Variants in C2 observed in about 807,000 individuals in gnomAD.
C2 encodes the protein complement C2, also known as C3/C5 convertase.
In C2, 64 loss-of-function variants were observed where a neutral mutation model predicts 85.2. That is an observed-to-expected ratio of 0.75 (90% CI 0.61 to 0.92). C2 has a LOEUF of 0.92. C2 is among the 40% of genes least tolerant of loss of function. The pLI is 0.00. For synonymous variants in C2, 311 were observed against 370.8 expected, an observed-to-expected ratio of 0.84 and a Z score of 1.85; for missense variants, 820 against 971.6, an observed-to-expected ratio of 0.84 and a Z score of 2.07.
chr6:31,918,666 G>A (rs1427040726), upstream of C2, among the ~76,000 whole-genome samples: 1 of 151,582 alleles, frequency 6.6e-6, no homozygotes, highest in South Asian at 2.1e-4. Flanking sequence ...TTGGGAGGCC[G>A]AGGTGGGCGG....
intron 8 of C2, among the ~76,000 whole-genome samples, chr6:31,938,212 C>T (rs1461490160): frequency 6.6e-6 from 1 of 151,908 alleles, no homozygotes; most frequent in Non-Finnish European, 1.5e-5. Flanking sequence ...GGAAACGTGG[C>T]TCTTGAGCAG....
chr6:31,944,029 G>A lies in C2; in HGVS notation c.1810+36G>A, dbSNP rs762234843. On this transcript the variant is annotated intron_variant, in intron 14 of 17. Transcript: ENST00000299367. This position sits in a 1 kb window ranked among gnomAD's most constrained non-coding sequence, Gnocchi z 5.1. ...GGACTTATGGTGCTTGAGAGCTGGG[G>A]CCGGGGTTTGGGGGTGATAACAAGG... 30 of 1,608,430 alleles carry A rather than the reference G, an allele frequency of 1.9e-5. No homozygotes were observed. The East Asian group carries it at 4.0e-4, about 22-fold the overall frequency.
chr6:31,944,746 T>C lies in C2; in HGVS notation c.1922T>C (p.Val641Ala), dbSNP rs36221133. The C allele has an allele frequency of 0.015, 23,391 of 1,613,042 alleles. 393 individuals carry two copies. Among genetic ancestry groups the C allele is most frequent in the Admixed American group, 0.038 (2,251 of 60,026 alleles). Reference sequence around the variant, plus strand: ...CTGCAGTGGACAAGCTGTGCCGAGGTTGTCTCCCAAGAAAAAACCATGTTC... The same window carrying C: ...CTGCAGTGGACAAGCTGTGCCGAGGCTGTCTCCCAAGAAAAAACCATGTTC... ...MGVEWTSCAEVVSQEKTMFPN... is the reference protein window; with the variant it reads ...MGVEWTSCAEAVSQEKTMFPN... Residue 641 changes from valine (V) to alanine (A), a missense_variant, in exon 16 of 18, where the codon GTT (valine) becomes GCT (alanine). Val to Ala is a moderately conservative substitution (Grantham distance 64, BLOSUM62 0). Coordinates refer to ENST00000299367, the MANE Select transcript of C2 (RefSeq NM_000063.6). The surrounding 1 kb of genome is among the most constrained non-coding windows in gnomAD (Gnocchi z 5.1).
chr6:31,915,720 A>G (rs1768456680), upstream of C2, among the ~76,000 whole-genome samples: 1 of 152,218 alleles, frequency 6.6e-6, no homozygotes, highest in Admixed American at 6.5e-5. Flanking sequence ...TTGGCAGTTA[A>G]ATACTTGTGC....
intron 2 of C2, among the ~76,000 whole-genome samples, 198 bp from the exon 3 acceptor site, chr6:31,928,534 C>T (rs1035298166): frequency 6.6e-6 from 1 of 152,124 alleles, no homozygotes; most frequent in Non-Finnish European, 1.5e-5. Context: ...TCAATCAGTT[C>T]GCTTAGACTC....
At chr6:31,900,388 C>T (rs1767117764), upstream of C2, 1 of 1,544,714 alleles carries the variant, frequency 6.5e-7, no homozygotes, top group Non-Finnish European at 8.7e-7. The surrounding 1 kb of genome is among the most constrained non-coding windows in gnomAD (Gnocchi z 9.7). Flanking sequence ...TGCCCCCCGC[C>T]CCCCGGGCAG....
At chr6:31,915,929 C>T (rs150423535), upstream of C2, among the ~76,000 whole-genome samples, 17 of 152,344 alleles carry the variant, frequency 1.1e-4, no homozygotes, top group East Asian at 2.7e-3. Context: ...GCTCACATAT[C>T]TCTCTCCCAC....
intron 1 of C2, among the ~76,000 whole-genome samples, chr6:31,906,618 G>A (rs912864324): frequency 6.6e-6 from 1 of 151,786 alleles, no homozygotes; most frequent in African/African-American, 2.4e-5. Flanking sequence ...TATCCTCTGA[G>A]CCTCACCAAG....
chr6:31,906,698 G>A (rs904251861), intron 1 of C2, among the ~76,000 whole-genome samples: 3 of 151,798 alleles, frequency 2.0e-5, no homozygotes, highest in Non-Finnish European at 4.4e-5. Flanking sequence ...TACCTGCCTG[G>A]ATCAGGTTGT....
intron 3 of C2, among the ~76,000 whole-genome samples, chr6:31,931,475 A>G (rs1769739807): frequency 6.6e-6 from 1 of 151,410 alleles, no homozygotes; most frequent in Non-Finnish European, 1.5e-5. Context: ...CTTAAGGAGC[A>G]TGCTGCCTTC....
upstream of C2, chr6:31,900,497 G>A (rs1348929019): frequency 2.5e-6 from 4 of 1,610,120 alleles, no homozygotes; most frequent in Non-Finnish European, 3.4e-6. The surrounding 1 kb of genome is among the most constrained non-coding windows in gnomAD (Gnocchi z 9.7). Flanking sequence ...TGCATCTTCC[G>A]ACAGGCTATA....
chr6:31,939,246 G>A lies in C2; in HGVS notation c.1145G>A (p.Gly382Asp), dbSNP rs1343646797. 8.1e-6 allele frequency: 13 copies of A among 1,611,252 alleles called. No homozygotes were observed. The highest frequency in any genetic ancestry group is 1.3e-5 in the African/African-American group (1 of 75,002). The change falls in exon 9 of 18, where the codon GGT becomes GAT. Residue 382 changes from glycine to aspartate, a missense_variant. Gly to Asp is a moderately conservative substitution (Grantham distance 94). Transcript: ENST00000299367. ...ILLTDGKSNM[G>D]GSPKTAVDHI... ...TTTGTTCTAGGAAAGTCCAATATGG[G>A]TGGCTCTCCCAAGACAGCTGTTGAC... is the stretch of plus-strand genomic sequence containing the variant.
chr6:31,924,630 A>C (rs1020448822), upstream of C2, among the ~76,000 whole-genome samples: 1 of 152,240 alleles, frequency 6.6e-6, no homozygotes, highest in Non-Finnish European at 1.5e-5. Flanking sequence ...AAATACTGGG[A>C]AAAACTCATG....
At position 31,921,312 on chromosome 6, in the gene C2, C is replaced by G. The variant is rs1768952916; in HGVS notation, c.-100+1286C>G. The stretch of plus-strand genomic sequence containing the variant: ...TAAAAAAAAAACTCCTGGATCCTTC[C>G]TCTGGGGAGCTTGAGACAAGTGCAC... On this transcript the variant is annotated intron_variant, in intron 1 of 3. Coordinates refer to the C2 transcript ENST00000413154. The surrounding 1 kb of genome is among the most constrained non-coding windows in gnomAD (Gnocchi z 4.6). 6.6e-6 allele frequency among the ~76,000 whole-genome samples: 1 copy of G among 152,052 alleles called. No individual in the cohort carries two copies. The highest frequency in any genetic ancestry group is 1.5e-5 in the Non-Finnish European group (1 of 68,006).
Position 31,904,511 on chromosome 6 carries a change from A to G in C2, c.73+3372A>G, listed in dbSNP as rs1767588511. Reference sequence around the variant, plus strand: ...GCATTTTTAGTAGAGACGGGGTTTCACCATGTTGGCCAGGCTGGTCTCGAA... The same window carrying G: ...GCATTTTTAGTAGAGACGGGGTTTCGCCATGTTGGCCAGGCTGGTCTCGAA... On this transcript the variant is annotated intron_variant, in intron 1 of 3. Transcript: ENST00000452202. The surrounding 1 kb of genome is among the most constrained non-coding windows in gnomAD (Gnocchi z 4.4). Among the ~76,000 whole-genome samples, 2 of 151,804 alleles carry G rather than the reference A, an allele frequency of 1.3e-5. No homozygotes were observed. Among genetic ancestry groups the G allele is most frequent in the Non-Finnish European group, 2.9e-5 (2 of 67,986 alleles).
Position 31,943,159 on chromosome 6 carries a change from G to A in C2, c.1360+60G>A. On this transcript the variant is annotated intron_variant, in intron 10 of 17. Coordinates refer to ENST00000299367, the MANE Select transcript of C2 (RefSeq NM_000063.6). The surrounding 1 kb of genome is among the most constrained non-coding windows in gnomAD (Gnocchi z 6.4). ...ATGGTGAGGAGCCCGCCAGAGGCCC[G>A]TGTTGGGAACCTGGACACAGTGCCC... The A allele has an allele frequency of 2.5e-6, 4 of 1,612,434 alleles. No individual in the cohort carries two copies. The highest frequency in any genetic ancestry group is 1.7e-6 in the Non-Finnish European group (2 of 1,179,492).
upstream of C2, chr6:31,899,670 G>A: frequency 1.9e-6 from 1 of 513,442 alleles, no homozygotes; most frequent in Non-Finnish European, 3.4e-6. Flanking sequence ...GCACTTCTAA[G>A]AGAAGGAAAT....
intron 3 of C2, among the ~76,000 whole-genome samples, chr6:31,930,079 G>A (rs1582073248): frequency 1.3e-5 from 2 of 149,264 alleles, no homozygotes. Flanking sequence ...TAAATGCCAT[G>A]TACACTTTTT....
At position 31,945,297 on chromosome 6, in the gene C2, C is replaced by G; in HGVS notation, c.2199C>G (p.Phe733Leu). ...CACGAGACTTTCACATCAATCTCTT[C>G]CGCATGCAGCCCTGGCTGAGGCAGC... ...PPPRDFHINLFRMQPWLRQHL... is the reference protein window; with the variant it reads ...PPPRDFHINLLRMQPWLRQHL... The change falls in exon 18 of 18, where the codon TTC becomes TTG. Residue 733 changes from phenylalanine to leucine, a missense_variant. Physicochemically the swap from Phe to Leu is conservative, Grantham distance 22. Transcript: ENST00000299367. The surrounding 1 kb of genome is among the most constrained non-coding windows in gnomAD (Gnocchi z 5.3). 6.2e-7 allele frequency: 1 copy of G among 1,613,074 alleles called. No individual in the cohort carries two copies. The highest frequency in any genetic ancestry group is 1.1e-5 in the South Asian group (1 of 91,084).
Sources: gnomAD v4.1 joint callset for allele counts (sites outside exome capture counted in the v4.1 genomes callset) on GRCh38, gnomAD v4.1.1 for gene constraint, Gnocchi (gnomAD v3.1) non-coding constraint, MANE v1.5 for transcripts, NCBI Gene and HGNC (gene_info 2026-07-23, HGNC 2026-07-21) for gene names.